The following EPHA6 variants were observed in gnomAD, a reference collection of about 807,000 sequenced individuals.
The protein encoded by EPHA6 is ephrin type-A receptor 6.
A neutral mutation model predicts 112.0 loss-of-function variants in EPHA6; 50 were observed. The observed-to-expected ratio is 0.45, with a 90% CI of 0.36 to 0.56. EPHA6 has a LOEUF of 0.56. Ranked by LOEUF, EPHA6 falls within the 20% of genes least tolerant of loss-of-function variation. The probability of loss-of-function intolerance (pLI) is 0.00; values close to 1 mark genes in which losing one functional copy is unlikely to be tolerated. For synonymous variants in EPHA6, 529 were observed against 490.7 expected (o/e 1.08, Z -1.03); for missense variants, 1,280 against 1,417.4 (o/e 0.90, Z 1.56).
At chr3:97,110,534 A>G (rs1175172218) in intron 3 of EPHA6, among the ~76,000 whole-genome samples, 2 of 151,762 alleles carry the variant, frequency 1.3e-5, no homozygotes, top group African/African-American at 4.8e-5. Context: ...TTATTTATTT[A>G]TTTATTTAGA....
chr3:97,187,675 G>GAA (rs1316062620), intron 3 of EPHA6, among the ~76,000 whole-genome samples: 1,734 of 76,834 alleles, frequency 0.023, 15 homozygotes, highest in African/African-American at 0.043. Context: ...AAGAAAGAAA[G>GAA]AGAAAGAAAG....
chr3:97,375,073 C>G (rs191864122), intron 5 of EPHA6, among the ~76,000 whole-genome samples: 64 of 152,252 alleles, frequency 4.2e-4, no homozygotes, highest in African/African-American at 1.5e-3. Flanking sequence ...TCTTTAGTCA[C>G]TATTTTTTCC....
chr3:97,300,947 C>T (rs2081067833), intron 5 of EPHA6, among the ~76,000 whole-genome samples: 1 of 152,102 alleles, frequency 6.6e-6, no homozygotes, highest in Non-Finnish European at 1.5e-5. Context: ...GATATGCTCC[C>T]TCTCATTAAG....
intron 2 of EPHA6, among the ~76,000 whole-genome samples, chr3:96,897,103 C>T (rs2107558885): frequency 6.6e-6 from 1 of 152,088 alleles, no homozygotes; most frequent in South Asian, 2.1e-4. Context: ...TTTGTACAAA[C>T]ATCAATTGGA....
intron 12 of EPHA6, among the ~76,000 whole-genome samples, chr3:97,604,615 T>G (rs2093666874): frequency 6.6e-6 from 1 of 151,756 alleles, no homozygotes; most frequent in East Asian, 1.9e-4. Context: ...ACAAACATTG[T>G]GCTAATTATA....
intron 11 of EPHA6, among the ~76,000 whole-genome samples, chr3:97,590,574 A>G (rs926579333): frequency 2.0e-5 from 3 of 152,092 alleles, no homozygotes; most frequent in African/African-American, 7.2e-5. Context: ...TTTTCTTCAA[A>G]TTGCCTTTAA....
chr3:96,992,685 C>T (rs1466670663), intron 3 of EPHA6, among the ~76,000 whole-genome samples: 2 of 151,988 alleles, frequency 1.3e-5, no homozygotes, highest in Admixed American at 6.6e-5. Context: ...ACATTTTGAC[C>T]TTGTCCTGTT....
chr3:97,050,691 A>G (rs1179933502), intron 3 of EPHA6, among the ~76,000 whole-genome samples: 1 of 152,158 alleles, frequency 6.6e-6, no homozygotes, highest in African/African-American at 2.4e-5. Context: ...TGTATCTTAT[A>G]TTGAGCACAA....
intron 5 of EPHA6, among the ~76,000 whole-genome samples, chr3:97,336,895 G>C (rs1435311075): frequency 6.6e-6 from 1 of 151,372 alleles, no homozygotes; most frequent in Non-Finnish European, 1.5e-5. Context: ...CTTGGAAATA[G>C]GCTGGTGCTT....
chr3:97,141,880 G>A (rs2075915484), intron 3 of EPHA6, among the ~76,000 whole-genome samples: 1 of 151,842 alleles, frequency 6.6e-6, no homozygotes, highest in Non-Finnish European at 1.5e-5. Flanking sequence ...AAGATACAAA[G>A]GATTAACCCT....
intron 5 of EPHA6, among the ~76,000 whole-genome samples, chr3:97,247,610 G>C (rs2079021382): frequency 6.6e-6 from 1 of 151,826 alleles, no homozygotes; most frequent in Admixed American, 6.6e-5. Context: ...GGCAAAAGTT[G>C]GATAATGGAG....
At chr3:97,569,518 C>G (rs2093309398) in intron 11 of EPHA6, among the ~76,000 whole-genome samples, 1 of 152,110 alleles carries the variant, frequency 6.6e-6, no homozygotes, top group Non-Finnish European at 1.5e-5. Context: ...GAAATTATTA[C>G]TTCTCTGCAA....
intron 5 of EPHA6, among the ~76,000 whole-genome samples, chr3:97,403,046 C>T (rs1440158426): frequency 2.0e-5 from 3 of 151,882 alleles, no homozygotes; most frequent in African/African-American, 4.8e-5. Flanking sequence ...TATAATGTAA[C>T]TTCTAACTTG....
At chr3:97,215,543 G>C (rs999906606) in intron 3 of EPHA6, among the ~76,000 whole-genome samples, 2 of 151,670 alleles carry the variant, frequency 1.3e-5, no homozygotes. Context: ...CCCGGGAGGC[G>C]GAGGTTGCAG....
intron 13 of EPHA6, among the ~76,000 whole-genome samples, chr3:97,631,483 T>C (rs1467423248): frequency 1.3e-5 from 2 of 152,048 alleles, no homozygotes. Flanking sequence ...TTAGCCTTCT[T>C]TTTTTGTCAT....
intron 3 of EPHA6, among the ~76,000 whole-genome samples, chr3:97,108,848 A>G (rs987276793): frequency 6.6e-6 from 1 of 152,210 alleles, no homozygotes; most frequent in Non-Finnish European, 1.5e-5. Context: ...TCTAATGATT[A>G]TAGTTTACAG....
chr3:97,204,223 A>G (rs1021390889), intron 3 of EPHA6, among the ~76,000 whole-genome samples: 4 of 152,108 alleles, frequency 2.6e-5, no homozygotes, highest in Non-Finnish European at 5.9e-5. Flanking sequence ...CATTCTCCAA[A>G]TAGTTAATTA....
intron 2 of EPHA6, among the ~76,000 whole-genome samples, chr3:96,942,718 G>A (rs1322195842): frequency 6.6e-6 from 1 of 152,228 alleles, no homozygotes; most frequent in African/African-American, 2.4e-5. Context: ...CATGCTGGGA[G>A]CTGTAGACCG....
At chr3:97,100,447 T>C in intron 3 of EPHA6, among the ~76,000 whole-genome samples, 1 of 151,946 alleles carries the variant, frequency 6.6e-6, no homozygotes, top group East Asian at 1.9e-4. Flanking sequence ...TGGGACCCTA[T>C]TATATACATT....
Sources: gnomAD v4.1 joint callset for allele counts (sites outside exome capture counted in the v4.1 genomes callset) on GRCh38, gnomAD v4.1.1 for gene constraint, MANE v1.5 for transcripts, NCBI Gene and HGNC (gene_info 2026-07-23, HGNC 2026-07-21) for gene names.